Variants in ATPSCKMT observed in about 807,000 individuals in gnomAD.
ATPSCKMT encodes ATP synthase subunit C lysine N-methyltransferase.
Under a neutral mutation model 24.3 loss-of-function variants are expected in ATPSCKMT, and 24 were observed. The observed-to-expected ratio is 0.99, with a 90% CI of 0.71 to 1.39. ATPSCKMT has a LOEUF of 1.39. ATPSCKMT is among the 40% of genes most tolerant of loss of function. ATPSCKMT has a pLI of 0.00. For synonymous variants in ATPSCKMT, 95 were observed against 110.5 expected, an observed-to-expected ratio of 0.86 and a Z score of 0.88; for missense variants, 311 against 298.4, an observed-to-expected ratio of 1.04 and a Z score of -0.31.
chr5:10,228,941 C>A (rs1206273962), intron 4 of ATPSCKMT, among the ~76,000 whole-genome samples: 1 of 152,118 alleles, frequency 6.6e-6, no homozygotes, highest in Admixed American at 6.6e-5. Flanking sequence ...ACAGGTTTAC[C>A]GATTTTCAAC....
chr5:10,241,697 T>C (rs1406447775), intron 1 of ATPSCKMT, among the ~76,000 whole-genome samples: 11 of 152,230 alleles, frequency 7.2e-5, no homozygotes. Context: ...AAGCTTTAAA[T>C]AATTTCAGTT....
chr5:10,247,320 T>C (rs113378879), intron 1 of ATPSCKMT, among the ~76,000 whole-genome samples: 4 of 152,318 alleles, frequency 2.6e-5, no homozygotes, highest in Middle Eastern at 3.4e-3. Context: ...AGGAACTACA[T>C]TGTTAGCTCC....
rs558932773 is a variant in ATPSCKMT at position 10,226,752 on chromosome 5, C to G, written c.*689G>C. On this transcript the variant is annotated 3_prime_UTR_variant, in exon 5 of 5. Transcript: ENST00000511437. The stretch of plus-strand genomic sequence containing the variant: ...GTCCCCACTCCACTGTTATGTGTAC[C>G]ATTATCCCAGTGGCAGAGATACACA... 6.6e-6 allele frequency: 1 copy of G among 152,382 alleles called. No homozygotes were observed. Among genetic ancestry groups the G allele is most frequent in the East Asian group, 1.9e-4 (1 of 5,188 alleles). 9.4% of individuals were successfully genotyped at this position (152,382 alleles called of 1,614,324 possible). A position where few individuals can be genotyped will look rare whatever the true frequency, so the allele number is the denominator to read the frequency against.
At chr5:10,232,828 C>T (rs1744212190) in intron 4 of ATPSCKMT, among the ~76,000 whole-genome samples, 1 of 152,204 alleles carries the variant, frequency 6.6e-6, no homozygotes, top group Admixed American at 6.5e-5. Context: ...GGCCTTATCC[C>T]TAAAAACGGC....
intron 2 of ATPSCKMT, among the ~76,000 whole-genome samples, chr5:10,237,549 G>A (rs1744428842): frequency 1.3e-5 from 2 of 152,030 alleles, no homozygotes; most frequent in African/African-American, 4.8e-5. Flanking sequence ...GTTTTATAAG[G>A]GGGAGTTTCC....
chr5:10,236,529 C>A lies in ATPSCKMT; in HGVS notation c.393G>T (p.Trp131Cys), dbSNP rs201300258. Residue 131 changes from tryptophan to cysteine, a missense_variant, in exon 3 of 5, where the codon TGG becomes TGT. By Grantham distance (215) the Trp-to-Cys change is radical. Coordinates refer to ENST00000511437, the MANE Select transcript of ATPSCKMT (RefSeq NM_199133.4). ...WLVWYSRYRA[W>C]REGVHGSAKF... ...TGGCAGATCCATGCACACCTTCTCG[C>A]CAAGCGCGGTATCTGGAATACCAAA... 13 of 1,614,072 alleles carry A rather than the reference C, an allele frequency of 8.1e-6. No homozygotes were observed. Among genetic ancestry groups the A allele is most frequent in the Non-Finnish European group, 8.5e-7 (1 of 1,180,054 alleles).
chr5:10,226,023 G>A lies in ATPSCKMT; in HGVS notation c.*1418C>T, dbSNP rs1185355723. Among the ~76,000 whole-genome samples, 2 of 152,112 alleles carry A rather than the reference G, an allele frequency of 1.3e-5. No individual in the cohort carries two copies. The highest frequency in any genetic ancestry group is 2.9e-5 in the Non-Finnish European group (2 of 68,030). On this transcript the variant is annotated 3_prime_UTR_variant, in exon 5 of 5. Transcript: ENST00000511437. ...AAGAAGACTGGAGCTACTGAAAAAGGGACAGACACTAGCTGCCAAAAACCT... is the reference window on the plus strand; with the variant it reads ...AAGAAGACTGGAGCTACTGAAAAAGAGACAGACACTAGCTGCCAAAAACCT...
intron 2 of ATPSCKMT, 30 bp from the exon 3 acceptor site, chr5:10,236,645 T>C: frequency 6.2e-7 from 1 of 1,600,506 alleles, no homozygotes. Context: ...TTATTCAAAA[T>C]AAGAAGAAAA....
chr5:10,230,383 A>T (rs1744073388), intron 4 of ATPSCKMT, among the ~76,000 whole-genome samples: 1 of 152,204 alleles, frequency 6.6e-6, no homozygotes, highest in African/African-American at 2.4e-5. Flanking sequence ...CATAAAAAGG[A>T]TAATTATAAA....
At chr5:10,240,589 T>C (rs559816185) in intron 1 of ATPSCKMT, among the ~76,000 whole-genome samples, 1 of 152,174 alleles carries the variant, frequency 6.6e-6, no homozygotes, top group South Asian at 2.1e-4. Context: ...CACAGGGATA[T>C]TGTGAGGATG....
At chr5:10,229,036 T>G (rs1180218413) in intron 4 of ATPSCKMT, among the ~76,000 whole-genome samples, 2 of 152,250 alleles carry the variant, frequency 1.3e-5, no homozygotes, top group Non-Finnish European at 2.9e-5. Flanking sequence ...TATGCTCCTT[T>G]ACTTCCTTAA....
At chr5:10,228,448 AAG>A (rs1274961156) in intron 4 of ATPSCKMT, among the ~76,000 whole-genome samples, 1 of 152,162 alleles carries the variant, frequency 6.6e-6, no homozygotes, top group Non-Finnish European at 1.5e-5. Flanking sequence ...TCTACCAATA[AAG>A]AGTTTTTATT....
Sources: gnomAD v4.1 joint callset for allele counts (sites outside exome capture counted in the v4.1 genomes callset) on GRCh38, gnomAD v4.1.1 for gene constraint, MANE v1.5 for transcripts, NCBI Gene and HGNC (gene_info 2026-07-23, HGNC 2026-07-21) for gene names.